Variants in CTNNA3 observed in about 807,000 individuals in gnomAD.
CTNNA3 encodes the protein catenin alpha-3.
CTNNA3 carries 76 observed loss-of-function variants against 95.7 expected under a neutral mutation model. The observed-to-expected ratio is 0.79, with a 90% confidence interval of 0.66 to 0.96. The LOEUF (loss-of-function observed/expected upper bound fraction) is 0.96. Among genes scored for constraint, CTNNA3 ranks in the 40% least tolerant of loss-of-function variants. The pLI is 0.00. For missense variants in CTNNA3, 1,191 were observed against 1,089.8 expected (o/e 1.09, Z -1.31); for synonymous variants, 431 against 374.4 (o/e 1.15, Z -1.74).
chr10:66,073,137 T>G (rs2080475934), intron 14 of CTNNA3, among the ~76,000 whole-genome samples: 1 of 151,968 alleles, frequency 6.6e-6, no homozygotes, highest in Non-Finnish European at 1.5e-5. Flanking sequence ...GGGAGGGGGT[T>G]TGAGAAGATG....
intron 11 of CTNNA3, among the ~76,000 whole-genome samples, chr10:66,458,059 T>C (rs928665713): frequency 3.3e-5 from 5 of 152,168 alleles, no homozygotes; most frequent in Non-Finnish European, 7.3e-5. Context: ...ATAGCCTCTC[T>C]AGAGACATGC....
intron 1 of CTNNA3, among the ~76,000 whole-genome samples, chr10:67,687,130 G>A (rs756501574): frequency 6.6e-6 from 1 of 152,188 alleles, no homozygotes; most frequent in Non-Finnish European, 1.5e-5. Context: ...AGCTGTCCAG[G>A]ACAGGAGATT....
intron 6 of CTNNA3, among the ~76,000 whole-genome samples, chr10:67,204,606 G>A (rs2170140): frequency 0.065 from 9,871 of 152,128 alleles, 488 homozygotes; most frequent in African/African-American, 0.13. Flanking sequence ...TGAATTTATG[G>A]GATCTAAAAC....
intron 2 of CTNNA3, among the ~76,000 whole-genome samples, chr10:67,612,487 G>GA (rs1564783126): frequency 6.6e-6 from 1 of 152,060 alleles, no homozygotes; most frequent in African/African-American, 2.4e-5. Flanking sequence ...AAGGGGCAGA[G>GA]AAAAAAATTT....
chr10:66,130,997 A>G (rs1227562289), intron 13 of CTNNA3, among the ~76,000 whole-genome samples: 2 of 151,666 alleles, frequency 1.3e-5, no homozygotes, highest in Non-Finnish European at 2.9e-5. Context: ...AGACTGAACC[A>G]TGAAGAAACT....
At chr10:67,366,293 C>T (rs1399874369) in intron 5 of CTNNA3, among the ~76,000 whole-genome samples, 2 of 152,038 alleles carry the variant, frequency 1.3e-5, no homozygotes, top group African/African-American at 4.8e-5. Context: ...ACCAACATGG[C>T]ACATGTATAC....
At chr10:65,984,187 C>T (rs2078379278) in intron 16 of CTNNA3, among the ~76,000 whole-genome samples, 1 of 151,190 alleles carries the variant, frequency 6.6e-6, no homozygotes, top group South Asian at 2.1e-4. Context: ...GAGAAAGCAA[C>T]CAATGTTCCA....
At chr10:66,047,708 C>T (rs2079857584) in intron 15 of CTNNA3, among the ~76,000 whole-genome samples, 1 of 152,158 alleles carries the variant, frequency 6.6e-6, no homozygotes, top group Admixed American at 6.5e-5. Context: ...TTGTAGACTA[C>T]ATGATTCTAT....
chr10:66,346,246 T>TATATATATATATATAGAG (rs1416945569), intron 12 of CTNNA3, among the ~76,000 whole-genome samples: 2 of 27,790 alleles, frequency 7.2e-5, no homozygotes, highest in Non-Finnish European at 1.5e-4. Context: ...TATATATATA[T>TATATATATATATATAGAG]AGAGAGAGAG....
intron 5 of CTNNA3, among the ~76,000 whole-genome samples, chr10:67,244,082 T>C (rs1865816446): frequency 6.6e-6 from 1 of 152,334 alleles, no homozygotes; most frequent in South Asian, 2.1e-4. Flanking sequence ...ATTGCACTTT[T>C]GTAAAAGGAA....
At chr10:66,711,870 C>T (rs1254113109) in intron 9 of CTNNA3, among the ~76,000 whole-genome samples, 1 of 152,060 alleles carries the variant, frequency 6.6e-6, no homozygotes, top group Non-Finnish European at 1.5e-5. Flanking sequence ...ATACCCAAAC[C>T]TTACTTTCAA....
chr10:67,273,933 G>A (rs1021760226), intron 5 of CTNNA3, among the ~76,000 whole-genome samples: 3 of 152,134 alleles, frequency 2.0e-5, no homozygotes, highest in African/African-American at 7.2e-5. Context: ...CTCACAAGAG[G>A]GATAAAGGAA....
intron 5 of CTNNA3, among the ~76,000 whole-genome samples, chr10:67,513,781 A>T (rs949012055): frequency 1.3e-5 from 2 of 152,166 alleles, no homozygotes; most frequent in Non-Finnish European, 2.9e-5. Flanking sequence ...AGCCAGTCCA[A>T]TCTCAGCATC....
intron 11 of CTNNA3, among the ~76,000 whole-genome samples, chr10:66,508,210 GTT>G (rs756807793): frequency 5.5e-5 from 6 of 108,412 alleles, no homozygotes; most frequent in Non-Finnish European, 1.2e-4. Context: ...TTTGTTTTCT[GTT>G]TTTTTTTTTT....
intron 7 of CTNNA3, among the ~76,000 whole-genome samples, chr10:67,034,220 G>A (rs1210438122): frequency 2.0e-5 from 3 of 152,100 alleles, no homozygotes; most frequent in Non-Finnish European, 4.4e-5. Flanking sequence ...CAGGGCAACC[G>A]GGATCACTTT....
chr10:66,599,905 C>T, intron 10 of CTNNA3, among the ~76,000 whole-genome samples: 1 of 151,950 alleles, frequency 6.6e-6, no homozygotes, highest in Non-Finnish European at 1.5e-5. Flanking sequence ...TCTTAGGTCA[C>T]TATGTTACCT....
At chr10:67,520,902 G>A (rs1035390662) in intron 5 of CTNNA3, among the ~76,000 whole-genome samples, 2 of 152,094 alleles carry the variant, frequency 1.3e-5, no homozygotes, top group South Asian at 2.1e-4. Context: ...TGTGAATTAG[G>A]CAATGGTGAG....
intron 13 of CTNNA3, among the ~76,000 whole-genome samples, chr10:66,194,129 C>CCA (rs1002214910): frequency 2.6e-5 from 4 of 152,084 alleles, no homozygotes; most frequent in African/African-American, 9.7e-5. Flanking sequence ...CATTAAGAGG[C>CCA]CACAGATTTG....
chr10:66,443,382 A>G (rs905126193), intron 11 of CTNNA3, among the ~76,000 whole-genome samples: 1 of 152,168 alleles, frequency 6.6e-6, no homozygotes, highest in Non-Finnish European at 1.5e-5. Flanking sequence ...CTGACCCCCG[A>G]GCAGCCTAAC....
Sources: allele counts gnomAD v4.1 joint callset (sites outside exome capture counted in the v4.1 genomes callset), GRCh38; gene constraint gnomAD v4.1.1; transcripts MANE v1.5; gene names NCBI Gene and HGNC (gene_info 2026-07-23, HGNC 2026-07-21).